Variants in KCNN2 observed in about 807,000 individuals in gnomAD.
The protein encoded by KCNN2 is potassium calcium-activated channel subfamily N member 2, also known as small conductance calcium-activated potassium channel protein 2.
KCNN2 carries 24 observed loss-of-function variants against 55.5 expected under a neutral mutation model. That is an observed-to-expected ratio of 0.43 (90% CI 0.31 to 0.61). The LOEUF is 0.61. Among genes scored for constraint, KCNN2 ranks in the 20% least tolerant of loss-of-function variants. The pLI, the probability that KCNN2 is intolerant of heterozygous loss-of-function variation, is 0.08. For synonymous variants in KCNN2, 431 were observed against 336.1 expected (o/e 1.28, Z -3.09); for missense variants, 754 against 853.6 (o/e 0.88, Z 1.45).
intron 3 of KCNN2, among the ~76,000 whole-genome samples, chr5:114,440,214 A>G (rs1006313197): frequency 6.6e-6 from 1 of 152,192 alleles, no homozygotes; most frequent in African/African-American, 2.4e-5. Context: ...ACTTGCCACA[A>G]TGATTGCTGA....
At chr5:114,435,326 G>C (rs1759966567) in intron 3 of KCNN2, among the ~76,000 whole-genome samples, 1 of 152,152 alleles carries the variant, frequency 6.6e-6, no homozygotes, top group Admixed American at 6.5e-5. Flanking sequence ...CTAGTTTTGA[G>C]GGTGGTGGTT....
chr5:114,099,316 A>G (rs1480591562), intron 1 of KCNN2, among the ~76,000 whole-genome samples: 3 of 152,156 alleles, frequency 2.0e-5, no homozygotes, highest in Non-Finnish European at 2.9e-5. Context: ...AAAATCACCA[A>G]TTGCTAGAAC....
rs6149186 is a variant in KCNN2, at chr5:114,375,952, G to GTATATATATATATATATATATATATATA, written c.1218+11976_1218+11977insATATATATATATATATATATATATATAT. Among the ~76,000 whole-genome samples, 179 of 104,612 alleles carry GTATATATATATATATATATATATATATA rather than the reference G, an allele frequency of 1.7e-3. 1 individual carries two copies. Among genetic ancestry groups the GTATATATATATATATATATATATATATA allele is most frequent in the East Asian group, 4.8e-3 (9 of 1,894 alleles). 68.6% of individuals were successfully genotyped at this position (104,612 alleles called of 152,430 possible). ...AATCATTTAAAAAAAGACTCACAGT[G>GTATATATATATATATATATATATATATA]TATATATATATATATATATATATAT... On this transcript the variant is annotated intron_variant, in intron 2 of 7. Coordinates refer to ENST00000673685, the MANE Select transcript of KCNN2 (RefSeq NM_021614.4).
intron 1 of KCNN2, among the ~76,000 whole-genome samples, chr5:114,153,615 A>G (rs531326434): frequency 2.6e-5 from 4 of 152,370 alleles, no homozygotes; most frequent in South Asian, 2.1e-4. Context: ...CCTGGTGCAG[A>G]CAGGAGAAGC....
intron 1 of KCNN2, among the ~76,000 whole-genome samples, chr5:114,122,165 A>C (rs1180315725): frequency 6.6e-6 from 1 of 152,200 alleles, no homozygotes; most frequent in African/African-American, 2.4e-5. Context: ...TAATGTAATC[A>C]GCATTAAATA....
At chr5:114,157,321 C>A (rs957204477) in intron 1 of KCNN2, among the ~76,000 whole-genome samples, 1 of 152,130 alleles carries the variant, frequency 6.6e-6, no homozygotes, top group Non-Finnish European at 1.5e-5. Flanking sequence ...CATGTCCCTA[C>A]AAAGGACATG....
intron 1 of KCNN2, among the ~76,000 whole-genome samples, chr5:114,073,656 A>G (rs1320129149): frequency 6.6e-6 from 1 of 152,186 alleles, no homozygotes; most frequent in Non-Finnish European, 1.5e-5. Flanking sequence ...CATCACATTT[A>G]AGACCATTCA....
chr5:114,166,635 C>T (rs1185521461), intron 1 of KCNN2, among the ~76,000 whole-genome samples: 1 of 152,144 alleles, frequency 6.6e-6, no homozygotes, highest in Non-Finnish European at 1.5e-5. Flanking sequence ...AGGCTTTCTT[C>T]TACAACCCAT....
At chr5:114,056,298 T>C (rs1750205319) in exon 1 of KCNN2, 1 of 398,138 alleles carries the variant, frequency 2.5e-6, no homozygotes, top group Non-Finnish European at 4.4e-6. Flanking sequence ...AGGCACGGAA[T>C]TTGACGCCCG....
At position 114,171,275 on chromosome 5, in the gene KCNN2, G is replaced by C. The variant is rs146648493; in HGVS notation, c.-270-50205G>C. ...ATTAAAAAATAATAACAACATAAAAGAAAACCTTTGCAGTTCTCTTAAATA... is the reference window on the plus strand; with the variant it reads ...ATTAAAAAATAATAACAACATAAAACAAAACCTTTGCAGTTCTCTTAAATA... On this transcript the variant is annotated intron_variant, in intron 1 of 10. Coordinates refer to the KCNN2 transcript ENST00000512097. Among the ~76,000 whole-genome samples, 6 of 152,002 alleles carry C rather than the reference G, an allele frequency of 3.9e-5. No homozygotes were observed. The East Asian group carries it at 1.2e-3, about 29-fold the overall frequency.
At position 114,362,617 on chromosome 5, in the gene KCNN2, T is replaced by C; in HGVS notation, c.478T>C (p.Cys160Arg). 1.0e-6 allele frequency: 1 copy of C among 982,298 alleles called. No homozygotes were observed. Among genetic ancestry groups the C allele is most frequent in the Non-Finnish European group, 1.4e-6 (1 of 693,280 alleles). The allele number at this position is 982,298 out of a possible 1,614,324, so 60.8% of individuals were successfully genotyped here. The change falls in exon 1 of 8, where the codon TGC becomes CGC. Residue 160 changes from cysteine (C) to arginine (R), a missense_variant. Transcript: ENST00000673685. ...QSASASQYHQ[C>R]HSLQPAASPT... ...GGCGTCCGCCTCCCAGTACCACCAGTGCCACAGCCTGCAGCCCGCCGCCAG... is the reference window on the plus strand; with the variant it reads ...GGCGTCCGCCTCCCAGTACCACCAGCGCCACAGCCTGCAGCCCGCCGCCAG...
intron 2 of KCNN2, among the ~76,000 whole-genome samples, chr5:114,272,428 CGTACATATCATAT>C (rs1561549167): frequency 2.0e-4 from 4 of 20,426 alleles, no homozygotes; most frequent in East Asian, 3.0e-3. Flanking sequence ...CACATATGTA[CGTACATATCATAT>C]ACACACATAT....
chr5:114,419,638 T>C (rs1400204521), intron 3 of KCNN2, among the ~76,000 whole-genome samples: 1 of 152,178 alleles, frequency 6.6e-6, no homozygotes, highest in African/African-American at 2.4e-5. Context: ...GTAACCTAAG[T>C]CTTTCTGACT....
intron 1 of KCNN2, among the ~76,000 whole-genome samples, chr5:114,069,667 G>A (rs563291763): frequency 5.9e-4 from 90 of 152,262 alleles, no homozygotes; most frequent in Admixed American, 1.2e-3. Context: ...TGAAAGGCCC[G>A]TTGACTACCT....
chr5:114,343,381 A>G (rs967934493), intron 2 of KCNN2, among the ~76,000 whole-genome samples: 2 of 152,206 alleles, frequency 1.3e-5, no homozygotes, highest in Non-Finnish European at 2.9e-5. Flanking sequence ...TCTAATAAAT[A>G]TTAAAGCATA....
intron 1 of KCNN2, among the ~76,000 whole-genome samples, chr5:114,095,395 C>G (rs1203608297): frequency 1.3e-5 from 2 of 152,148 alleles, no homozygotes; most frequent in African/African-American, 4.8e-5. Context: ...TTCATATTAT[C>G]TCATTTAATG....
chr5:114,475,305 C>T (rs1165850919), intron 5 of KCNN2, among the ~76,000 whole-genome samples: 1 of 151,376 alleles, frequency 6.6e-6, no homozygotes, highest in Non-Finnish European at 1.5e-5. Flanking sequence ...GTGGGACTGT[C>T]CTGTGTGTTC....
intron 1 of KCNN2, among the ~76,000 whole-genome samples, chr5:114,219,982 T>C (rs1319910247): frequency 2.0e-5 from 3 of 152,212 alleles, no homozygotes; most frequent in African/African-American, 7.2e-5. Context: ...TTGCATATTA[T>C]TCTATATTTC....
At chr5:114,421,552 C>T (rs917301053) in intron 3 of KCNN2, among the ~76,000 whole-genome samples, 3 of 151,624 alleles carry the variant, frequency 2.0e-5, no homozygotes, top group Non-Finnish European at 4.4e-5. Context: ...AATTTATATT[C>T]CTACCAGAAG....
Sources: allele counts gnomAD v4.1 joint callset (sites outside exome capture counted in the v4.1 genomes callset), GRCh38; gene constraint gnomAD v4.1.1; transcripts MANE v1.5; gene names NCBI Gene and HGNC (gene_info 2026-07-23, HGNC 2026-07-21).